The following RBCK1 variants were observed in gnomAD, a reference collection of about 807,000 sequenced individuals.
RBCK1 encodes RANBP2-type and C3HC4-type zinc finger containing 1.
Under a neutral mutation model 71.1 loss-of-function variants are expected in RBCK1, and 44 were observed. That is an observed-to-expected ratio of 0.62 (90% CI 0.49 to 0.80). RBCK1 has a LOEUF of 0.80. RBCK1 is among the 30% of genes least tolerant of loss of function. RBCK1 has a pLI of 0.00. For synonymous variants in RBCK1, 306 were observed against 279.7 expected, an observed-to-expected ratio of 1.09 and a Z score of -0.94; for missense variants, 569 against 685.0, an observed-to-expected ratio of 0.83 and a Z score of 1.89.
chr20:421,135 G>T, intron 7 of RBCK1, 104 bp downstream of exon 7: 1 of 1,365,168 alleles, frequency 7.3e-7, no homozygotes, highest in African/African-American at 1.5e-5. Flanking sequence ...CTCATTGGAC[G>T]CCCGCGAAAA....
intron 6 of RBCK1, chr20:420,527 G>A: frequency 2.0e-6 from 2 of 983,234 alleles, no homozygotes; most frequent in Non-Finnish European, 2.4e-6. Flanking sequence ...TCAGACCCCG[G>A]CCCCCTTCCT....
At chr20:425,309 C>A (rs938192473) in intron 8 of RBCK1, among the ~76,000 whole-genome samples, 2 of 152,162 alleles carry the variant, frequency 1.3e-5, no homozygotes, top group Admixed American at 1.3e-4. Flanking sequence ...CCGTGCCCAG[C>A]CAGATATGAT....
chr20:409,626 A>G (rs190673583), intron 1 of RBCK1, among the ~76,000 whole-genome samples: 25 of 152,214 alleles, frequency 1.6e-4, no homozygotes, highest in Admixed American at 2.6e-4. Context: ...GGATAAATGA[A>G]TAGAAATATG....
chr20:422,020 G>T lies in RBCK1; in HGVS notation c.918-107G>T. The T allele has an allele frequency of 2.6e-6, 2 of 769,638 alleles. No homozygotes were observed. Among genetic ancestry groups the T allele is most frequent in the East Asian group, 2.6e-5 (1 of 38,878 alleles). The allele number at this position is 769,638 out of a possible 1,614,324, so 47.7% of individuals were successfully genotyped here. On this transcript the variant is annotated intron_variant, in intron 7 of 11. Coordinates refer to ENST00000356286, the MANE Select transcript of RBCK1 (RefSeq NM_031229.4). This position sits in a 1 kb window ranked among gnomAD's most constrained non-coding sequence, Gnocchi z 5.0. ...GAGATATTGAGGAGAAGTCCACCTGGGGTGACTGAGTGAGGCCCCTGGGGT... is the reference window on the plus strand; with the variant it reads ...GAGATATTGAGGAGAAGTCCACCTGTGGTGACTGAGTGAGGCCCCTGGGGT...
chr20:418,523 C>T (rs561869349), intron 4 of RBCK1, among the ~76,000 whole-genome samples: 48 of 152,270 alleles, frequency 3.2e-4, no homozygotes, highest in Middle Eastern at 3.4e-3. Flanking sequence ...CGCCCGCCAC[C>T]ACGCCCGGCT....
chr20:422,150 G>T lies in RBCK1; in HGVS notation c.941G>T (p.Arg314Leu). 1.2e-6 allele frequency: 2 copies of T among 1,612,442 alleles called. No homozygotes were observed. The highest frequency in any genetic ancestry group is 1.7e-6 in the Non-Finnish European group (2 of 1,179,810). The change falls in exon 8 of 12, where the codon CGC becomes CTC. Residue 314 changes from arginine (R) to leucine (L), a missense_variant. Physicochemically the swap from Arg to Leu is moderately radical, Grantham distance 102. Coordinates refer to ENST00000356286, the MANE Select transcript of RBCK1 (RefSeq NM_031229.4). The surrounding 1 kb of genome is among the most constrained non-coding windows in gnomAD (Gnocchi z 5.0). ...FCRECLQGTIRNSQEAEVSCP... is the reference protein window; with the variant it reads ...FCRECLQGTILNSQEAEVSCP... ...AGGGAGTGCCTGCAGGGCACCATCC[G>T]CAACAGCCAGGAGGCGGAGGTCTCC...
chr20:408,458 G>A lies in RBCK1; in HGVS notation c.-300G>A. Reference sequence around the variant, plus strand: ...CGCCCCGGCTGGGTGGTGTCCGGGCGTCCTTTCCCCGCTTCTTCCCACCTC... The same window carrying A: ...CGCCCCGGCTGGGTGGTGTCCGGGCATCCTTTCCCCGCTTCTTCCCACCTC... On this transcript the variant is annotated 5_prime_UTR_variant, in exon 1 of 12. Transcript: ENST00000356286. 1.9e-6 allele frequency: 1 copy of A among 519,556 alleles called. No individual in the cohort carries two copies. The allele number at this position is 519,556 out of a possible 1,614,324, so 32.2% of individuals were successfully genotyped here.
rs533742759 is a variant in RBCK1 at position 417,327 on chromosome 20, T to G, written c.168-199T>G. The stretch of plus-strand genomic sequence containing the variant: ...GATTCTAAGAGTAGCGTGGAGCCAT[T>G]GGAGGGGCCTAACTGGTGGGTTCTA... On this transcript the variant is annotated intron_variant, in intron 2 of 11. Transcript: ENST00000356286. The surrounding 1 kb of genome is among the most constrained non-coding windows in gnomAD (Gnocchi z 4.7). 2 of 728,082 alleles carry G rather than the reference T, an allele frequency of 2.7e-6. No homozygotes were observed. The highest frequency in any genetic ancestry group is 5.1e-6 in the Non-Finnish European group (2 of 389,104). The allele number at this position is 728,082 out of a possible 1,614,324, so 45.1% of individuals were successfully genotyped here.
At position 422,779 on chromosome 20, in the gene RBCK1, C is replaced by T. The variant is rs1040914292; in HGVS notation, c.1029+541C>T. ...GCCTAGGAAGTAAGGTTGCAGTGAG[C>T]TGTGATTGTGCCACTGCACTCCAGC... On this transcript the variant is annotated intron_variant, in intron 8 of 11. Transcript: ENST00000356286. The surrounding 1 kb of genome is among the most constrained non-coding windows in gnomAD (Gnocchi z 5.0). Among the ~76,000 whole-genome samples the T allele has an allele frequency of 2.6e-5, 4 of 152,034 alleles. No homozygotes were observed. The highest frequency in any genetic ancestry group is 1.3e-4 in the Admixed American group (2 of 15,264).
intron 11 of RBCK1, among the ~76,000 whole-genome samples, chr20:429,538 A>G (rs994313351): frequency 1.3e-5 from 2 of 152,202 alleles, no homozygotes; most frequent in African/African-American, 4.8e-5. Context: ...TGTTCTTTAC[A>G]TCTTTAAATG....
chr20:416,154 CTTT>C (rs548467650), intron 2 of RBCK1, among the ~76,000 whole-genome samples: 2 of 133,452 alleles, frequency 1.5e-5, no homozygotes, highest in Non-Finnish European at 1.6e-5. Flanking sequence ...TCAGCAGTCA[CTTT>C]TTTTTTTTTT....
intron 6 of RBCK1, 197 bp downstream of exon 6, chr20:419,928 G>A (rs1172225532): frequency 1.5e-5 from 22 of 1,422,928 alleles, no homozygotes; most frequent in Admixed American, 2.9e-5. Context: ...GTCACCCTGT[G>A]GCTGAGACCC....
Position 428,805 on chromosome 20 carries a change from T to C in RBCK1, c.1309-146T>C, listed in dbSNP as rs1245724487. On this transcript the variant is annotated intron_variant, in intron 10 of 11. Transcript: ENST00000356286. The surrounding 1 kb of genome is among the most constrained non-coding windows in gnomAD (Gnocchi z 5.7). Reference sequence around the variant, plus strand: ...GGAGACCACAGGAATGAAGAGGGGGTTGCTGGATGGAGCCTGGCCTGGCAG... The same window carrying C: ...GGAGACCACAGGAATGAAGAGGGGGCTGCTGGATGGAGCCTGGCCTGGCAG... 7.0e-7 allele frequency: 1 copy of C among 1,426,056 alleles called. No homozygotes were observed. The highest frequency in any genetic ancestry group is 9.1e-7 in the Non-Finnish European group (1 of 1,094,342). The allele number at this position is 1,426,056 out of a possible 1,614,324, so 88.3% of individuals were successfully genotyped here.
intron 1 of RBCK1, 195 bp from the exon 2 acceptor site, chr20:409,683 TGAG>T (rs2015582038): frequency 1.4e-6 from 1 of 705,604 alleles, no homozygotes; most frequent in East Asian, 2.7e-5. Context: ...GAGCCTAGTG[TGAG>T]GAGGAGTGGG....
Position 408,680 on chromosome 20 carries a change from G to T in RBCK1, c.-78G>T. On this transcript the variant is annotated 5_prime_UTR_variant, in exon 1 of 12. Transcript: ENST00000356286. ...CTGGCTGAGTTGCTCCTGGTCTCCC[G>T]CCTCTCCCAGGCGACCCGGAGGTAG... The T allele has an allele frequency of 1.3e-6, 2 of 1,582,916 alleles. No homozygotes were observed. The highest frequency in any genetic ancestry group is 1.7e-6 in the Non-Finnish European group (2 of 1,164,376).
At chr20:426,504 C>T (rs528362770) in intron 8 of RBCK1, among the ~76,000 whole-genome samples, 1 of 152,178 alleles carries the variant, frequency 6.6e-6, no homozygotes, top group African/African-American at 2.4e-5. Flanking sequence ...ACCTCCAGTT[C>T]TTCCATGTTG....
intron 6 of RBCK1, chr20:420,514 C>T: frequency 1.0e-6 from 1 of 984,502 alleles, no homozygotes; most frequent in African/African-American, 1.8e-5. Context: ...CCTGACTCAC[C>T]ACTCAGACCC....
In RBCK1 at chr20:425,632, T is replaced by C. The variant is rs1047269083; in HGVS notation, c.1030-1681T>C. Among the ~76,000 whole-genome samples the C allele has an allele frequency of 4.0e-3, 599 of 150,516 alleles. 7 individuals carry two copies. The highest frequency in any genetic ancestry group is 0.012 in the African/African-American group (509 of 40,860). On this transcript the variant is annotated intron_variant, in intron 8 of 11. Transcript: ENST00000356286. ...ATGTTTTGCATGGTGTATTCTTTTTTTTTTTTTTTTTTGAGACGAAGTCTC... is the reference window on the plus strand; with the variant it reads ...ATGTTTTGCATGGTGTATTCTTTTTCTTTTTTTTTTTTGAGACGAAGTCTC...
rs550987854 is a variant in RBCK1, at chr20:409,792, A to G, written c.23-89A>G. The G allele has an allele frequency of 5.5e-5, 84 of 1,528,100 alleles. 1 individual carries two copies. The South Asian group carries it at 1.0e-3, about 19-fold the overall frequency. The allele number at this position is 1,528,100 out of a possible 1,614,324, so 94.7% of individuals were successfully genotyped here. A position where few individuals can be genotyped will look rare whatever the true frequency, so the allele number is the denominator to read the frequency against. ...CAGGAAGACAGAGAAAGCAGCACAC[A>G]CAAAGGATCGCCTCCTTTCCTACCC... is the stretch of plus-strand genomic sequence containing the variant. On this transcript the variant is annotated intron_variant, in intron 1 of 11. Coordinates refer to ENST00000356286, the MANE Select transcript of RBCK1 (RefSeq NM_031229.4).
Sources: allele counts gnomAD v4.1 joint callset (sites outside exome capture counted in the v4.1 genomes callset), GRCh38; gene constraint gnomAD v4.1.1; non-coding constraint Gnocchi (gnomAD v3.1); transcripts MANE v1.5; gene names NCBI Gene and HGNC (gene_info 2026-07-23, HGNC 2026-07-21).